Variants in NRG1 observed in about 807,000 individuals in gnomAD.
The protein encoded by NRG1 is neuregulin 1.
Under a neutral mutation model 63.8 loss-of-function variants are expected in NRG1, and 18 were observed. That is an observed-to-expected ratio of 0.28 (90% confidence interval 0.19 to 0.42). The LOEUF is 0.42. Ranked by LOEUF, NRG1 falls within the 10% of genes least tolerant of loss-of-function variation. The pLI is 1.00. For synonymous variants in NRG1, 302 were observed against 301.3 expected (o/e 1.00, Z -0.02); for missense variants, 762 against 814.7 (o/e 0.94, Z 0.79).
chr8:31,809,320 T>TTC (rs1349796454), intron 1 of NRG1, among the ~76,000 whole-genome samples: 3 of 141,962 alleles, frequency 2.1e-5, no homozygotes, highest in Non-Finnish European at 3.1e-5. Flanking sequence ...AGTTTTTTTT[T>TTC]TCTCTCTCTC....
chr8:31,658,434 G>A (rs1805640887), intron 1 of NRG1, among the ~76,000 whole-genome samples: 1 of 152,126 alleles, frequency 6.6e-6, no homozygotes, highest in Non-Finnish European at 1.5e-5. Flanking sequence ...GATCATGTCT[G>A]TCGAGCACTT....
intron 1 of NRG1, among the ~76,000 whole-genome samples, chr8:31,756,612 T>G (rs1011011783): frequency 6.6e-6 from 1 of 152,166 alleles, no homozygotes; most frequent in Non-Finnish European, 1.5e-5. Flanking sequence ...TCTGTTATCC[T>G]TACGACATCT....
At chr8:31,963,463 G>C (rs535236993) in intron 1 of NRG1, among the ~76,000 whole-genome samples, 10 of 152,198 alleles carry the variant, frequency 6.6e-5, no homozygotes, top group Non-Finnish European at 1.2e-4. Flanking sequence ...CAGTGCCTAC[G>C]GGTATAAGGC....
At chr8:31,794,926 T>G (rs1333756376) in intron 1 of NRG1, among the ~76,000 whole-genome samples, 1 of 152,080 alleles carries the variant, frequency 6.6e-6, no homozygotes, top group Non-Finnish European at 1.5e-5. Context: ...CCTCAGCCTC[T>G]CAAGTAGCTG....
At chr8:32,483,670 C>G (rs1825567047) in intron 1 of NRG1, among the ~76,000 whole-genome samples, 1 of 152,300 alleles carries the variant, frequency 6.6e-6, no homozygotes, top group Non-Finnish European at 1.5e-5. Flanking sequence ...GTGTTCCCCA[C>G]TTGAGCATAG....
At chr8:32,691,465 A>G (rs1310565011) in intron 5 of NRG1, among the ~76,000 whole-genome samples, 1 of 152,124 alleles carries the variant, frequency 6.6e-6, no homozygotes, top group Non-Finnish European at 1.5e-5. Flanking sequence ...AAACATACCT[A>G]TTTTTCCAGG....
At chr8:32,563,052 T>G (rs1435007524) in intron 1 of NRG1, among the ~76,000 whole-genome samples, 1 of 152,198 alleles carries the variant, frequency 6.6e-6, no homozygotes, top group Non-Finnish European at 1.5e-5. Flanking sequence ...ATGGGCTTCA[T>G]GCATCCTAGG....
intron 1 of NRG1, among the ~76,000 whole-genome samples, chr8:31,879,713 C>A (rs810283): frequency 1.3e-5 from 2 of 151,992 alleles, no homozygotes; most frequent in Non-Finnish European, 2.9e-5. Flanking sequence ...TCCTCCTACC[C>A]TCCACCCTCA....
At chr8:32,498,173 A>G (rs1827439546) in intron 1 of NRG1, among the ~76,000 whole-genome samples, 1 of 152,192 alleles carries the variant, frequency 6.6e-6, no homozygotes, top group African/African-American at 2.4e-5. Context: ...AAAATCAGTG[A>G]AAATCAAAGA....
intron 5 of NRG1, among the ~76,000 whole-genome samples, chr8:32,621,613 AAATAGT>A (rs1848356375): frequency 6.6e-6 from 1 of 152,226 alleles, no homozygotes; most frequent in Non-Finnish European, 1.5e-5. Flanking sequence ...AAAATCTAAC[AAATAGT>A]AATAGGAAAG....
intron 1 of NRG1, among the ~76,000 whole-genome samples, chr8:32,048,306 C>T (rs1292096506): frequency 6.7e-6 from 1 of 149,264 alleles, no homozygotes; most frequent in East Asian, 2.0e-4. Flanking sequence ...TATATTCATA[C>T]ATATATGTAT....
intron 1 of NRG1, among the ~76,000 whole-genome samples, chr8:32,203,393 T>C (rs1003184981): frequency 6.6e-6 from 1 of 152,040 alleles, no homozygotes; most frequent in Non-Finnish European, 1.5e-5. Context: ...TTATTTTTTT[T>C]TTCTTTTTAG....
intron 1 of NRG1, among the ~76,000 whole-genome samples, chr8:31,992,783 A>G (rs1026221887): frequency 2.0e-5 from 3 of 152,050 alleles, no homozygotes; most frequent in Non-Finnish European, 4.4e-5. Flanking sequence ...CATTAGCTCC[A>G]TTGCAAAATA....
At chr8:31,892,559 G>T (rs1831238368) in intron 1 of NRG1, among the ~76,000 whole-genome samples, 1 of 152,070 alleles carries the variant, frequency 6.6e-6, no homozygotes, top group African/African-American at 2.4e-5. Flanking sequence ...TTATTGCATT[G>T]AGATTAAGAA....
At chr8:31,837,309 A>T (rs1293131764) in intron 1 of NRG1, among the ~76,000 whole-genome samples, 1 of 152,044 alleles carries the variant, frequency 6.6e-6, no homozygotes, top group African/African-American at 2.4e-5. Flanking sequence ...TGAGTCAAAA[A>T]TTGAGAGACC....
intron 1 of NRG1, among the ~76,000 whole-genome samples, chr8:32,049,535 C>T (rs953866956): frequency 1.2e-4 from 19 of 152,126 alleles, no homozygotes; most frequent in Admixed American, 2.6e-4. Context: ...ATCTTCTTTT[C>T]ATTACCATTA....
rs115883920 is a variant in NRG1, at chr8:32,525,099, A to G, written c.38-70729A>G. On this transcript the variant is annotated intron_variant, in intron 1 of 10. Coordinates refer to the NRG1 transcript ENST00000519301. Reference sequence around the variant, plus strand: ...TCTTCTAGGTTGTGTATGTATCACAACAGAGGAAGGAAATTATGAGATGGG... The same window carrying G: ...TCTTCTAGGTTGTGTATGTATCACAGCAGAGGAAGGAAATTATGAGATGGG... 6.7e-3 allele frequency among the ~76,000 whole-genome samples: 1,015 copies of G among 152,344 alleles called. 6 individuals carry two copies. Among genetic ancestry groups the G allele is most frequent in the African/African-American group, 0.022 (933 of 41,590 alleles).
chr8:32,205,831 G>C (rs1481353232), intron 1 of NRG1, among the ~76,000 whole-genome samples: 1 of 151,806 alleles, frequency 6.6e-6, no homozygotes, highest in African/African-American at 2.4e-5. Context: ...TGTAATGCAG[G>C]TCAGGCATGG....
At chr8:32,674,407 T>A (rs930149486) in intron 5 of NRG1, among the ~76,000 whole-genome samples, 4 of 152,188 alleles carry the variant, frequency 2.6e-5, no homozygotes, top group African/African-American at 9.7e-5. Context: ...CAATTTGTGC[T>A]CAATTTTAGG....
Sources: gnomAD v4.1 joint callset for allele counts (sites outside exome capture counted in the v4.1 genomes callset) on GRCh38, gnomAD v4.1.1 for gene constraint, MANE v1.5 for transcripts, NCBI Gene and HGNC (gene_info 2026-07-23, HGNC 2026-07-21) for gene names.